PFKFB3: variants seen among roughly 807,000 people sequenced by gnomAD.
PFKFB3 encodes the protein 6-phosphofructo-2-kinase/fructose-2,6-biphosphatase 3.
In PFKFB3, 33 loss-of-function variants were observed where a neutral mutation model predicts 68.0. The observed-to-expected ratio is 0.49, with a 90% CI of 0.37 to 0.65. PFKFB3 has a LOEUF of 0.65. Among genes scored for constraint, PFKFB3 ranks in the 30% least tolerant of loss-of-function variants. The pLI is 0.00. For synonymous variants in PFKFB3, 315 were observed against 288.2 expected (o/e 1.09, Z -0.94); for missense variants, 586 against 712.2 (o/e 0.82, Z 2.02).
intron 1 of PFKFB3, among the ~76,000 whole-genome samples, chr10:6,177,389 T>TTTCTTTCTTTCTTTCTTCC (rs1554842895): frequency 8.1e-6 from 1 of 122,970 alleles, no homozygotes; most frequent in Admixed American, 8.6e-5. Flanking sequence ...TCTTTCTTTC[T>TTTCTTTCTTTCTTTCTTCC]TTCTTTCTTT....
chr10:6,201,742 T>C (rs970498744), upstream of PFKFB3, among the ~76,000 whole-genome samples: 3 of 152,060 alleles, frequency 2.0e-5, no homozygotes, highest in Admixed American at 6.5e-5. This position sits in a 1 kb window ranked among gnomAD's most constrained non-coding sequence, Gnocchi z 4.1. Flanking sequence ...GCCTCAGCGC[T>C]AAGTGTGCAC....
the PFKFB3 span, among the ~76,000 whole-genome samples, chr10:6,286,577 T>G: frequency 6.6e-6 from 1 of 151,206 alleles, no homozygotes; most frequent in Non-Finnish European, 1.5e-5. Context: ...GGGGTCTCAC[T>G]ATGTTCGCCA....
intron 1 of PFKFB3, among the ~76,000 whole-genome samples, chr10:6,173,865 C>G (rs1009247851): frequency 6.6e-6 from 1 of 152,054 alleles, no homozygotes; most frequent in Non-Finnish European, 1.5e-5. Flanking sequence ...AACCAAAGTA[C>G]TGTCTTAGGA....
chr10:6,221,643 C>G lies in PFKFB3; in HGVS notation c.981C>G (p.Gly327=). ...GAGTGACCACTGGGTCCCCGCAGGG[C>G]GTCTGTGAGGAGCTGACCTACGAGG... ...QWKALNEIDA[G]VCEELTYEEI... Residue 327 remains glycine (G), a splice_region_variant and synonymous_variant, in exon 10 of 15, where the codon GGC becomes GGG. Transcript: ENST00000379775. 6.2e-7 allele frequency: 1 copy of G among 1,610,324 alleles called. No homozygotes were observed. Among genetic ancestry groups the G allele is most frequent in the Non-Finnish European group, 8.5e-7 (1 of 1,178,550 alleles).
the PFKFB3 span, among the ~76,000 whole-genome samples, chr10:6,287,066 A>G: frequency 1.3e-5 from 2 of 152,106 alleles, no homozygotes; most frequent in Non-Finnish European, 2.9e-5. Context: ...GTGCTTCCAT[A>G]AGAGATTATA....
At chr10:6,317,693 T>A in the PFKFB3 span, among the ~76,000 whole-genome samples, 1 of 152,104 alleles carries the variant, frequency 6.6e-6, no homozygotes, top group Non-Finnish European at 1.5e-5. Context: ...AATCAACACC[T>A]CATTATTTGT....
intron 14 of PFKFB3, among the ~76,000 whole-genome samples, chr10:6,246,027 G>A (rs991614431): frequency 6.6e-6 from 1 of 151,986 alleles, no homozygotes; most frequent in Non-Finnish European, 1.5e-5. Flanking sequence ...CCTTCTTCTC[G>A]AAGACCCTCT....
At chr10:6,319,399 T>C in the PFKFB3 span, among the ~76,000 whole-genome samples, 1 of 152,148 alleles carries the variant, frequency 6.6e-6, no homozygotes, top group Admixed American at 6.5e-5. Flanking sequence ...GTGCAACAAC[T>C]CAGAAACAGA....
At chr10:6,211,851 G>C (rs1435975191) in intron 1 of PFKFB3, among the ~76,000 whole-genome samples, 1 of 152,220 alleles carries the variant, frequency 6.6e-6, no homozygotes, top group African/African-American at 2.4e-5. Flanking sequence ...TCTCCAAATA[G>C]CATGGAGGGG....
the PFKFB3 span, among the ~76,000 whole-genome samples, chr10:6,282,770 C>A: frequency 6.6e-6 from 1 of 152,136 alleles, no homozygotes; most frequent in Admixed American, 6.5e-5. Context: ...CCTGACTTGG[C>A]AAAATTATGC....
In PFKFB3 at chr10:6,219,811, T is replaced by C. The variant is rs184399884; in HGVS notation, c.623+118T>C. 5.5e-6 allele frequency: 6 copies of C among 1,082,664 alleles called. No homozygotes were observed. In the Admixed American group the frequency reaches 9.7e-5, roughly 17 times the overall value. The allele number at this position is 1,082,664 out of a possible 1,614,324, so 67.1% of individuals were successfully genotyped here. On this transcript the variant is annotated intron_variant, in intron 7 of 14. Coordinates refer to ENST00000379775, the MANE Select transcript of PFKFB3 (RefSeq NM_004566.4). Reference sequence around the variant, plus strand: ...TTTAAAAAAATTTTTTTAAGACAGTTTTTTTTGTAGAGATGAGGTCTCGCT... The same window carrying C: ...TTTAAAAAAATTTTTTTAAGACAGTCTTTTTTGTAGAGATGAGGTCTCGCT...
intron 1 of PFKFB3, among the ~76,000 whole-genome samples, chr10:6,167,026 T>G (rs1160885351): frequency 6.6e-6 from 1 of 152,104 alleles, no homozygotes; most frequent in Non-Finnish European, 1.5e-5. Context: ...ATGGAGTTTC[T>G]CCATGTTGGT....
chr10:6,210,364 G>GTTTTTTTTTT (rs1375867755), intron 1 of PFKFB3, among the ~76,000 whole-genome samples: 34 of 58,646 alleles, frequency 5.8e-4, no homozygotes, highest in Middle Eastern at 0.01. Flanking sequence ...TTGTTTTTTT[G>GTTTTTTTTTT]TTTTTTTTTT....
chr10:6,245,209 T>G (rs775606823), intron 14 of PFKFB3, among the ~76,000 whole-genome samples: 6 of 152,010 alleles, frequency 3.9e-5, no homozygotes, highest in Middle Eastern at 3.4e-3. Context: ...CAATTCTCCT[T>G]CCTCAGCCTC....
chr10:6,223,348 G>T (rs372359053), intron 11 of PFKFB3, among the ~76,000 whole-genome samples: 1 of 152,320 alleles, frequency 6.6e-6, no homozygotes, highest in East Asian at 1.9e-4. Flanking sequence ...CAATCCCATT[G>T]AAATGTTAAG....
chr10:6,165,501 G>T (rs190179588), intron 1 of PFKFB3, among the ~76,000 whole-genome samples: 1 of 152,258 alleles, frequency 6.6e-6, no homozygotes, highest in African/African-American at 2.4e-5. Context: ...CTCCCTGGGG[G>T]CACAAAACAG....
intron 1 of PFKFB3, among the ~76,000 whole-genome samples, chr10:6,211,195 C>G (rs773380055): frequency 1.3e-5 from 1 of 75,056 alleles, no homozygotes; most frequent in Non-Finnish European, 2.9e-5. Flanking sequence ...TGTGTATTTA[C>G]TCTGCTGTCT....
chr10:6,282,835 T>C, the PFKFB3 span, among the ~76,000 whole-genome samples: 4 of 152,328 alleles, frequency 2.6e-5, no homozygotes, highest in Non-Finnish European at 1.5e-5. Flanking sequence ...GATAAGAGTA[T>C]AGAAAGTTCC....
the PFKFB3 span, among the ~76,000 whole-genome samples, chr10:6,263,077 T>C: frequency 6.6e-6 from 1 of 152,212 alleles, no homozygotes; most frequent in African/African-American, 2.4e-5. Flanking sequence ...ATTAGGGGTC[T>C]CATAGCCTTC....
Sources: gnomAD v4.1 joint callset for allele counts (sites outside exome capture counted in the v4.1 genomes callset) on GRCh38, gnomAD v4.1.1 for gene constraint, Gnocchi (gnomAD v3.1) non-coding constraint, MANE v1.5 for transcripts, NCBI Gene and HGNC (gene_info 2026-07-23, HGNC 2026-07-21) for gene names.